Variants in SGCZ observed in about 807,000 individuals in gnomAD.
SGCZ encodes sarcoglycan zeta.
A neutral mutation model predicts 41.3 loss-of-function variants in SGCZ; 40 were observed. The observed-to-expected ratio is 0.97, with a 90% CI of 0.75 to 1.26. SGCZ has a LOEUF of 1.26. Ranked by LOEUF, SGCZ falls within the 50% of genes most tolerant of loss-of-function variation. The probability of loss-of-function intolerance (pLI) is 0.00; values close to 1 mark genes in which losing one functional copy is unlikely to be tolerated. For missense variants in SGCZ, 552 were observed against 369.8 expected (o/e 1.49, Z -4.04); for synonymous variants, 206 against 137.5 (o/e 1.50, Z -3.49).
At chr8:14,280,783 G>C (rs1800400426) in intron 3 of SGCZ, among the ~76,000 whole-genome samples, 1 of 127,158 alleles carries the variant, frequency 7.9e-6, no homozygotes. Flanking sequence ...CCTTTCTTCA[G>C]TGCTTTTAAA....
intron 1 of SGCZ, among the ~76,000 whole-genome samples, chr8:14,959,811 A>C (rs1474782662): frequency 6.6e-6 from 1 of 152,164 alleles, no homozygotes. Context: ...CTTTAGTCCA[A>C]ATATACAGTC....
intron 1 of SGCZ, among the ~76,000 whole-genome samples, chr8:15,039,668 G>T (rs941330215): frequency 6.6e-6 from 1 of 152,106 alleles, no homozygotes; most frequent in Non-Finnish European, 1.5e-5. Flanking sequence ...TATTTCACCA[G>T]CAATACAACA....
chr8:14,488,431 C>G (rs1442559667), intron 2 of SGCZ, among the ~76,000 whole-genome samples: 1 of 151,806 alleles, frequency 6.6e-6, no homozygotes, highest in Admixed American at 6.6e-5. Flanking sequence ...AAGAGGTTTC[C>G]TTCTGATGCT....
At chr8:14,937,010 C>G (rs1800104022) in intron 1 of SGCZ, among the ~76,000 whole-genome samples, 1 of 151,500 alleles carries the variant, frequency 6.6e-6, no homozygotes, top group East Asian at 1.9e-4. Context: ...ATAACATTAA[C>G]CAAAGAGTGT....
intron 4 of SGCZ, among the ~76,000 whole-genome samples, chr8:14,233,269 T>C (rs1009617556): frequency 1.3e-5 from 2 of 151,890 alleles, no homozygotes; most frequent in Non-Finnish European, 2.9e-5. Context: ...TAAAAGATAT[T>C]TTGTAATATA....
At chr8:14,109,778 C>G (rs796839822) in intron 5 of SGCZ, among the ~76,000 whole-genome samples, 18 of 152,136 alleles carry the variant, frequency 1.2e-4, no homozygotes, top group African/African-American at 3.9e-4. Flanking sequence ...ATGAATAGAA[C>G]AGGAAGAGAT....
At chr8:14,880,722 A>G (rs1023938431) in intron 1 of SGCZ, among the ~76,000 whole-genome samples, 4 of 151,990 alleles carry the variant, frequency 2.6e-5, no homozygotes, top group Admixed American at 2.6e-4. Context: ...CAAACACAAC[A>G]TGTTCTCACT....
At chr8:14,626,135 C>A (rs1318415246) in intron 1 of SGCZ, among the ~76,000 whole-genome samples, 1 of 152,020 alleles carries the variant, frequency 6.6e-6, no homozygotes, top group East Asian at 1.9e-4. Context: ...ATCTCTCAGT[C>A]TTTTTGTTTT....
chr8:14,593,502 A>G (rs536523732), intron 1 of SGCZ, among the ~76,000 whole-genome samples: 4 of 152,282 alleles, frequency 2.6e-5, no homozygotes, highest in African/African-American at 9.6e-5. Flanking sequence ...AAACAAACAC[A>G]CCTGCTTTCC....
At chr8:14,205,766 C>T (rs1805595093) in intron 4 of SGCZ, among the ~76,000 whole-genome samples, 1 of 152,144 alleles carries the variant, frequency 6.6e-6, no homozygotes, top group Admixed American at 6.6e-5. Flanking sequence ...GTTATTTTAA[C>T]TTGGACTTTA....
rs1025321135 is a variant in SGCZ at position 14,152,244 on chromosome 8, TCA to T, written c.547+12334_547+12335del. On this transcript the variant is annotated intron_variant, in intron 5 of 7. Transcript: ENST00000382080. ...ACCTCAAAACCATAACAAAAAAAAC[TCA>T]CAAAGAATTCAATTAGCAAATGGGC... Among the ~76,000 whole-genome samples, 16 of 151,928 alleles carry T rather than the reference TCA, an allele frequency of 1.1e-4. 1 individual carries two copies. Among genetic ancestry groups the T allele is most frequent in the Admixed American group, 7.2e-4 (11 of 15,246 alleles).
chr8:14,633,959 A>T (rs563874682), intron 1 of SGCZ, among the ~76,000 whole-genome samples: 2 of 152,030 alleles, frequency 1.3e-5, no homozygotes, highest in South Asian at 4.1e-4. Context: ...GAATACTAAC[A>T]GTCCTTCTGC....
chr8:14,283,411 T>A (rs917666031), intron 3 of SGCZ, among the ~76,000 whole-genome samples: 1 of 152,188 alleles, frequency 6.6e-6, no homozygotes, highest in African/African-American at 2.4e-5. Flanking sequence ...ATATCTAATG[T>A]TTCTCGTTCA....
intron 3 of SGCZ, among the ~76,000 whole-genome samples, chr8:14,262,898 C>T (rs1461328139): frequency 2.0e-5 from 3 of 150,680 alleles, no homozygotes; most frequent in African/African-American, 7.3e-5. Flanking sequence ...TATATTTAAG[C>T]ACTCACTACA....
At chr8:14,626,680 G>C (rs939448066) in intron 1 of SGCZ, among the ~76,000 whole-genome samples, 7 of 152,016 alleles carry the variant, frequency 4.6e-5, no homozygotes, top group Admixed American at 3.3e-4. Flanking sequence ...GAAAAGATTG[G>C]AGCTTATGCT....
At chr8:14,430,252 C>G (rs56182559) in intron 2 of SGCZ, among the ~76,000 whole-genome samples, 73,844 of 151,926 alleles carry the variant, frequency 0.49, 19,387 homozygotes, top group Non-Finnish European at 0.59. Context: ...AAAAAGAAAC[C>G]TACAGACCAC....
chr8:14,409,179 C>T (rs924753907), intron 2 of SGCZ, among the ~76,000 whole-genome samples: 1 of 151,922 alleles, frequency 6.6e-6, no homozygotes, highest in African/African-American at 2.4e-5. Flanking sequence ...ATTTATATAA[C>T]CAACACGTTA....
intron 2 of SGCZ, among the ~76,000 whole-genome samples, chr8:14,546,514 C>G (rs1006872800): frequency 2.0e-5 from 3 of 152,128 alleles, no homozygotes; most frequent in Non-Finnish European, 4.4e-5. Context: ...ATTGTACTCT[C>G]CAGAAATTAA....
intron 1 of SGCZ, among the ~76,000 whole-genome samples, chr8:14,617,210 T>G (rs1806133659): frequency 6.6e-6 from 1 of 152,200 alleles, no homozygotes; most frequent in South Asian, 2.1e-4. Context: ...TAAGTATTAA[T>G]TATTGTCAAC....
Sources: gnomAD v4.1 joint callset for allele counts (sites outside exome capture counted in the v4.1 genomes callset) on GRCh38, gnomAD v4.1.1 for gene constraint, MANE v1.5 for transcripts, NCBI Gene and HGNC (gene_info 2026-07-23, HGNC 2026-07-21) for gene names.